MACROD2: variants seen among roughly 807,000 people sequenced by gnomAD.
MACROD2 encodes the protein ADP-ribose glycohydrolase MACROD2.
Under a neutral mutation model 70.4 loss-of-function variants are expected in MACROD2, and 36 were observed. The ratio of observed to expected loss-of-function variants is 0.51; its 90% CI spans 0.39 to 0.68. The LOEUF (loss-of-function observed/expected upper bound fraction) is 0.68, where lower values mean the gene tolerates loss of function less well. Among genes scored for constraint, MACROD2 ranks in the 30% least tolerant of loss-of-function variants. The pLI, the probability that MACROD2 is intolerant of heterozygous loss-of-function variation, is 0.00. For synonymous variants in MACROD2, 172 were observed against 178.8 expected, an observed-to-expected ratio of 0.96 and a Z score of 0.30; for missense variants, 496 against 538.4, an observed-to-expected ratio of 0.92 and a Z score of 0.78.
intron 13 of MACROD2, among the ~76,000 whole-genome samples, chr20:15,985,058 C>A (rs1056750060): frequency 6.6e-6 from 1 of 152,094 alleles, no homozygotes; most frequent in African/African-American, 2.4e-5. Flanking sequence ...GATGGCCAAC[C>A]TACCTCTAAT....
Position 15,229,955 on chromosome 20 carries a change from T to C in MACROD2, c.434T>C (p.Val145Ala). 6.2e-7 allele frequency: 1 copy of C among 1,613,582 alleles called. No individual in the cohort carries two copies. Among genetic ancestry groups the C allele is most frequent in the Non-Finnish European group, 8.5e-7 (1 of 1,179,750 alleles). Residue 145 changes from valine to alanine, a missense_variant, in exon 6 of 18, where the codon GTA (valine) becomes GCA (alanine). Val to Ala is a moderately conservative substitution (Grantham distance 64, BLOSUM62 0). Transcript: ENST00000684519. Reference sequence around the variant, plus strand: ...GTATTTACAGATGTCATCCATACTGTAGGGCCAATAGCCAGGGGCCATATT... The same window carrying C: ...GTATTTACAGATGTCATCCATACTGCAGGGCCAATAGCCAGGGGCCATATT... ...DLPAKYVIHTVGPIARGHING... is the reference protein window; with the variant it reads ...DLPAKYVIHTAGPIARGHING...
At chr20:15,196,074 T>G (rs982926652) in intron 5 of MACROD2, among the ~76,000 whole-genome samples, 4 of 152,028 alleles carry the variant, frequency 2.6e-5, no homozygotes, top group African/African-American at 9.7e-5. Context: ...ACTGGGGCCC[T>G]TAAGAGTGGA....
At chr20:15,113,815 C>T (rs2075973648) in intron 5 of MACROD2, among the ~76,000 whole-genome samples, 2 of 142,026 alleles carry the variant, frequency 1.4e-5, no homozygotes. Flanking sequence ...AGGGGTTTTT[C>T]AGCTGTTCTT....
At chr20:15,479,799 G>C (rs1015550923) in intron 7 of MACROD2, among the ~76,000 whole-genome samples, 1 of 152,120 alleles carries the variant, frequency 6.6e-6, no homozygotes, top group Non-Finnish European at 1.5e-5. Flanking sequence ...CTTCAGATTT[G>C]AACATGCCAG....
At chr20:14,271,430 G>A (rs1315481959) in intron 3 of MACROD2, among the ~76,000 whole-genome samples, 2 of 152,106 alleles carry the variant, frequency 1.3e-5, no homozygotes, top group African/African-American at 2.4e-5. Flanking sequence ...TGCAGCTGAG[G>A]GTCCTGTCTG....
chr20:15,783,192 ATTGT>A (rs150137654), intron 8 of MACROD2, among the ~76,000 whole-genome samples: 1,906 of 152,200 alleles, frequency 0.013, 42 homozygotes, highest in African/African-American at 0.044. Flanking sequence ...TTGCATAAAA[ATTGT>A]TTGTCTCGAT....
chr20:14,749,041 A>C lies in MACROD2; in HGVS notation c.418+64082A>C, dbSNP rs75179538. Among the ~76,000 whole-genome samples the C allele has an allele frequency of 6.5e-3, 993 of 152,210 alleles. 14 individuals are homozygous for C. The highest frequency in any genetic ancestry group is 0.023 in the African/African-American group (936 of 41,480). ...TTGCTAACAAATCTCTTATGATTTC[A>C]TCTATTTGTCTTTTCCTCTTTGTGT... On this transcript the variant is annotated intron_variant, in intron 5 of 17. Coordinates refer to ENST00000684519, the MANE Select transcript of MACROD2 (RefSeq NM_001351661.2).
intron 8 of MACROD2, among the ~76,000 whole-genome samples, chr20:15,720,067 T>C (rs2050766319): frequency 6.6e-6 from 1 of 152,226 alleles, no homozygotes; most frequent in African/African-American, 2.4e-5. Context: ...TTTCTGTGTC[T>C]GCTTATTTCA....
chr20:15,985,190 C>T (rs1003639721), intron 13 of MACROD2, among the ~76,000 whole-genome samples: 5 of 152,100 alleles, frequency 3.3e-5, no homozygotes, highest in Non-Finnish European at 5.9e-5. Flanking sequence ...GGCTTACTTA[C>T]ACCGGACCTG....
At chr20:14,446,357 G>A (rs1489235560) in intron 3 of MACROD2, among the ~76,000 whole-genome samples, 5 of 152,012 alleles carry the variant, frequency 3.3e-5, no homozygotes, top group African/African-American at 9.7e-5. Context: ...TGTGTCTAAC[G>A]TCACTAACTT....
intron 8 of MACROD2, among the ~76,000 whole-genome samples, chr20:15,505,463 C>T (rs529960422): frequency 6.6e-6 from 1 of 152,188 alleles, no homozygotes; most frequent in Admixed American, 6.5e-5. Flanking sequence ...TGGACAGAAA[C>T]CCAGCGTTCT....
chr20:14,904,245 G>T (rs1182606204), intron 5 of MACROD2, among the ~76,000 whole-genome samples: 1 of 152,074 alleles, frequency 6.6e-6, no homozygotes, highest in Non-Finnish European at 1.5e-5. Flanking sequence ...CTAAGGCATA[G>T]ATTTATTCTA....
intron 7 of MACROD2, among the ~76,000 whole-genome samples, chr20:15,486,213 A>G (rs2146463896): frequency 6.6e-6 from 1 of 152,152 alleles, no homozygotes; most frequent in Non-Finnish European, 1.5e-5. Context: ...CAGAGAGGGG[A>G]TAGTGAATCC....
At chr20:14,704,250 A>G (rs185219505) in intron 5 of MACROD2, among the ~76,000 whole-genome samples, 2 of 152,228 alleles carry the variant, frequency 1.3e-5, no homozygotes, top group African/African-American at 2.4e-5. Flanking sequence ...ATCGTCCCCC[A>G]AACTGCTGCC....
chr20:15,066,123 TA>T (rs2075572873), intron 5 of MACROD2, among the ~76,000 whole-genome samples: 23 of 150,790 alleles, frequency 1.5e-4, no homozygotes, highest in South Asian at 2.1e-4. Context: ...TTTTTTTTTT[TA>T]TTTTTAATTT....
chr20:15,426,354 T>A (rs1383470051), intron 6 of MACROD2, among the ~76,000 whole-genome samples: 2 of 152,290 alleles, frequency 1.3e-5, no homozygotes, highest in African/African-American at 4.8e-5. Flanking sequence ...TTTTTATTTT[T>A]ATTTTTTAAG....
chr20:14,171,519 A>G (rs2081220827), intron 3 of MACROD2, among the ~76,000 whole-genome samples: 2 of 152,164 alleles, frequency 1.3e-5, no homozygotes, highest in Non-Finnish European at 2.9e-5. Flanking sequence ...GTATCCCAGA[A>G]TGTGATAGGC....
chr20:14,339,871 G>C (rs1053426654), intron 3 of MACROD2, among the ~76,000 whole-genome samples: 1 of 152,168 alleles, frequency 6.6e-6, no homozygotes, highest in African/African-American at 2.4e-5. Context: ...ACTCTTAGTA[G>C]AATCTGTGGC....
intron 8 of MACROD2, among the ~76,000 whole-genome samples, chr20:15,511,662 A>G (rs2047501777): frequency 6.6e-6 from 1 of 152,194 alleles, no homozygotes; most frequent in African/African-American, 2.4e-5. Context: ...TTTGCAACAT[A>G]AATGTTGCCT....
Sources: allele counts gnomAD v4.1 joint callset (sites outside exome capture counted in the v4.1 genomes callset), GRCh38; gene constraint gnomAD v4.1.1; transcripts MANE v1.5; gene names NCBI Gene and HGNC (gene_info 2026-07-23, HGNC 2026-07-21).